Variants in JAZF1 observed in about 807,000 individuals in gnomAD.
JAZF1 encodes the protein JAZF zinc finger 1.
A neutral mutation model predicts 26.4 loss-of-function variants in JAZF1; 8 were observed. The ratio of observed to expected loss-of-function variants is 0.30; its 90% CI spans 0.18 to 0.55. The LOEUF (loss-of-function observed/expected upper bound fraction) is 0.55, where lower values mean the gene tolerates loss of function less well. JAZF1 is among the 20% of genes least tolerant of loss of function. The probability of loss-of-function intolerance (pLI) is 0.94; values close to 1 mark genes in which losing one functional copy is unlikely to be tolerated. For synonymous variants in JAZF1, 126 were observed against 122.3 expected (o/e 1.03, Z -0.20); for missense variants, 199 against 322.0 (o/e 0.62, Z 2.92).
intron 3 of JAZF1, among the ~76,000 whole-genome samples, chr7:27,874,420 A>G (rs1005034796): frequency 1.3e-5 from 2 of 152,210 alleles, no homozygotes; most frequent in African/African-American, 4.8e-5. Context: ...CCAGAAGTGC[A>G]GAGGGAGCTG....
chr7:27,851,599 C>T (rs759612829), intron 3 of JAZF1, among the ~76,000 whole-genome samples: 11 of 152,050 alleles, frequency 7.2e-5, no homozygotes, highest in African/African-American at 9.7e-5. Flanking sequence ...GTGATAAGTT[C>T]GGGAAGATCA....
chr7:27,861,821 C>G (rs1463505420), intron 3 of JAZF1, among the ~76,000 whole-genome samples: 1 of 152,210 alleles, frequency 6.6e-6, no homozygotes, highest in South Asian at 2.1e-4. Flanking sequence ...CACAGTGAAC[C>G]TGGAGGGGGA....
At chr7:27,959,899 C>A (rs1346418912) in intron 2 of JAZF1, among the ~76,000 whole-genome samples, 1 of 147,382 alleles carries the variant, frequency 6.8e-6, no homozygotes, top group Non-Finnish European at 1.5e-5. Context: ...GATGCTGTCT[C>A]AAAAAAAAAA....
At chr7:28,051,406 G>A (rs1783615003) in intron 1 of JAZF1, among the ~76,000 whole-genome samples, 1 of 151,712 alleles carries the variant, frequency 6.6e-6, no homozygotes, top group Non-Finnish European at 1.5e-5. Flanking sequence ...ATTTTTAGTA[G>A]TGATGGGGTT....
intron 1 of JAZF1, among the ~76,000 whole-genome samples, chr7:28,174,561 G>T (rs1783519933): frequency 6.6e-6 from 1 of 152,206 alleles, no homozygotes; most frequent in Non-Finnish European, 1.5e-5. Context: ...GTGGGTTTTT[G>T]TCAACCCAGT....
intron 2 of JAZF1, among the ~76,000 whole-genome samples, chr7:27,979,347 G>C (rs1785534505): frequency 7.0e-6 from 1 of 143,428 alleles, no homozygotes; most frequent in African/African-American, 2.6e-5. Context: ...TAATTAACAG[G>C]CGTGGCCAGG....
chr7:27,963,850 A>G (rs982502492), intron 2 of JAZF1, among the ~76,000 whole-genome samples: 1 of 152,196 alleles, frequency 6.6e-6, no homozygotes, highest in African/African-American at 2.4e-5. Context: ...TTAAGGCATG[A>G]GCCAACATGC....
intron 3 of JAZF1, among the ~76,000 whole-genome samples, chr7:27,883,155 G>A (rs1783800033): frequency 6.6e-6 from 1 of 152,174 alleles, no homozygotes; most frequent in Non-Finnish European, 1.5e-5. Context: ...GGGAGACAGG[G>A]TGTGAACAGC....
chr7:27,868,991 T>C (rs1465524730), intron 3 of JAZF1, among the ~76,000 whole-genome samples: 1 of 152,180 alleles, frequency 6.6e-6, no homozygotes, highest in East Asian at 1.9e-4. Flanking sequence ...TTGTCCTTTG[T>C]TCATTCAACT....
Position 27,908,605 on chromosome 7 carries a change from G to A in JAZF1, c.189-13189C>T, listed in dbSNP as rs549472332. Among the ~76,000 whole-genome samples the A allele has an allele frequency of 2.6e-5, 4 of 152,298 alleles. No individual in the cohort carries two copies. The South Asian group carries it at 8.3e-4, about 32-fold the overall frequency. On this transcript the variant is annotated intron_variant, in intron 2 of 4. Transcript: ENST00000283928. ...GACCAAACCAGAATGGAGTTGCTCA[G>A]GCTAAACTTTGAAATGGGCCAGTTT...
chr7:28,111,268 T>C (rs1342933761), intron 1 of JAZF1, among the ~76,000 whole-genome samples: 1 of 152,260 alleles, frequency 6.6e-6, no homozygotes, highest in Non-Finnish European at 1.5e-5. Flanking sequence ...CCTTGCCACA[T>C]CTGGTTATAG....
intron 3 of JAZF1, among the ~76,000 whole-genome samples, chr7:27,854,063 G>T (rs1472781486): frequency 1.3e-5 from 2 of 152,132 alleles, no homozygotes; most frequent in African/African-American, 4.8e-5. Flanking sequence ...CCTGTTTTGG[G>T]TGCGTATATA....
At chr7:28,138,197 A>T (rs184920736) in intron 1 of JAZF1, among the ~76,000 whole-genome samples, 154 of 152,334 alleles carry the variant, frequency 1.0e-3, no homozygotes, top group Non-Finnish European at 1.7e-3. Context: ...CACAGATCTA[A>T]AAAGCACATA....
chr7:27,946,626 T>C (rs1238444649), intron 2 of JAZF1, among the ~76,000 whole-genome samples: 2 of 152,186 alleles, frequency 1.3e-5, no homozygotes, highest in African/African-American at 4.8e-5. Context: ...AACTGTCAGA[T>C]GTTGGGGTAG....
chr7:27,878,428 A>G (rs1783717605), intron 3 of JAZF1, among the ~76,000 whole-genome samples: 1 of 152,186 alleles, frequency 6.6e-6, no homozygotes, highest in African/African-American at 2.4e-5. Context: ...ATGGAGTGTG[A>G]AACACTCTAT....
intron 3 of JAZF1, among the ~76,000 whole-genome samples, chr7:27,870,987 C>T (rs567983159): frequency 2.2e-4 from 34 of 152,168 alleles, no homozygotes; most frequent in African/African-American, 8.0e-4. Context: ...GTTCATGTAC[C>T]CCCAGCCACA....
chr7:27,928,941 C>T (rs1450472238), intron 2 of JAZF1, among the ~76,000 whole-genome samples: 1 of 152,110 alleles, frequency 6.6e-6, no homozygotes, highest in Non-Finnish European at 1.5e-5. Context: ...ATATGTACCC[C>T]TGGACTTAAA....
rs1782899286 is a variant in JAZF1 at position 27,840,366 on chromosome 7, T to C, written c.555+332A>G. Reference sequence around the variant, plus strand: ...GCTTGGCAAATAAAGTAGGTTGACATATTTGATATTCTGTTCTGATGGGTC... The same window carrying C: ...GCTTGGCAAATAAAGTAGGTTGACACATTTGATATTCTGTTCTGATGGGTC... On this transcript the variant is annotated intron_variant, in intron 4 of 4. Transcript: ENST00000283928. The surrounding 1 kb of genome is among the most constrained non-coding windows in gnomAD (Gnocchi z 5.1). 6.6e-6 allele frequency among the ~76,000 whole-genome samples: 1 copy of C among 152,222 alleles called. No homozygotes were observed. The highest frequency in any genetic ancestry group is 6.5e-5 in the Admixed American group (1 of 15,292).
intron 1 of JAZF1, among the ~76,000 whole-genome samples, chr7:28,099,718 T>C (rs868645471): frequency 6.6e-6 from 1 of 152,126 alleles, no homozygotes; most frequent in South Asian, 2.1e-4. Context: ...TCAGGTGATC[T>C]GCCTGCCTCA....
Sources: gnomAD v4.1 joint callset for allele counts (sites outside exome capture counted in the v4.1 genomes callset) on GRCh38, gnomAD v4.1.1 for gene constraint, Gnocchi (gnomAD v3.1) non-coding constraint, MANE v1.5 for transcripts, NCBI Gene and HGNC (gene_info 2026-07-23, HGNC 2026-07-21) for gene names.